MCF2: variants seen among roughly 807,000 people sequenced by gnomAD.
The protein encoded by MCF2 is proto-oncogene DBL.
A neutral mutation model predicts 82.5 loss-of-function variants in MCF2; 44 were observed. That is an observed-to-expected ratio of 0.53 (90% CI 0.42 to 0.69). MCF2 has a LOEUF of 0.69. MCF2 is among the 30% of genes least tolerant of loss of function. The pLI, the probability that MCF2 is intolerant of heterozygous loss-of-function variation, is 0.00. For missense variants in MCF2, 623 were observed against 663.1 expected (o/e 0.94, Z 0.66); for synonymous variants, 217 against 224.9 (o/e 0.96, Z 0.32).
intron 24 of MCF2, among the ~76,000 whole-genome samples, 173 bp from the exon 29 acceptor site, chrX:139,582,676 A>AG (rs1928578417): frequency 8.9e-6 from 1 of 111,965 alleles, no homozygotes; most frequent in Non-Finnish European, 1.9e-5. Flanking sequence ...TTATTGGACA[A>AG]AGAGAGAGAA....
At chrX:139,699,687 C>T (rs1246070913) in intron 1 of MCF2, among the ~76,000 whole-genome samples, 1 of 112,201 alleles carries the variant, frequency 8.9e-6, no homozygotes, top group African/African-American at 3.2e-5. Context: ...TATTTCATTC[C>T]TTTTTAAGGC....
rs758379764 is a variant in MCF2, at chrX:139,582,493, G to A, written c.2756C>T (p.Ser919Leu). 1.9e-5 allele frequency: 23 copies of A among 1,203,996 alleles called. No individual in the cohort carries two copies. In the Middle Eastern group the frequency reaches 1.6e-3, roughly 85 times the overall value. Residue 919 changes from serine to leucine, a missense_variant, in exon 25 of 25, where the codon TCG becomes TTG. By Grantham distance (145) the Ser-to-Leu change is moderately radical. Transcript: ENST00000370576. Reference sequence around the variant, plus strand: ...TCATCAATATAGGAGAGCCATCTCCGACACAGGTCTCTACAAGGGAAGCAG... The same window carrying A: ...TCATCAATATAGGAGAGCCATCTCCAACACAGGTCTCTACAAGGGAAGCAG...
At chrX:139,684,725 C>T (rs1367228161) in intron 1 of MCF2, among the ~76,000 whole-genome samples, 1 of 111,853 alleles carries the variant, frequency 8.9e-6, no homozygotes, top group Non-Finnish European at 1.9e-5. Context: ...CAAGAGATCA[C>T]ATATTGTATG....
Position 139,602,442 on chromosome X carries a change from T to A in MCF2, c.1800A>T (p.Thr600=), listed in dbSNP as rs778988458. ...CGCATTCTGAATACTTCCTCCAAAT[T>A]GTTTCTGATCTGGGCTTATTCTGAC... Residue 600 remains threonine, a synonymous_variant, in exon 16 of 25, where the codon ACA becomes ACT. Transcript: ENST00000370576. 4 of 1,205,873 alleles carry A rather than the reference T, an allele frequency of 3.3e-6. No individual in the cohort carries two copies. In the South Asian group the frequency reaches 7.2e-5, roughly 22 times the overall value.
chrX:139,648,849 A>T (rs1933896063), intron 2 of MCF2, among the ~76,000 whole-genome samples: 1 of 112,326 alleles, frequency 8.9e-6, no homozygotes, highest in Admixed American at 9.4e-5. Context: ...CATCAATGGG[A>T]CATAATCTTA....
At chrX:139,650,072 A>G (rs1294253072) in intron 2 of MCF2, among the ~76,000 whole-genome samples, 3 of 112,366 alleles carry the variant, frequency 2.7e-5, no homozygotes, top group Non-Finnish European at 5.6e-5. Context: ...AGCAGAGGCC[A>G]GGCTGGGTGC....
At chrX:139,622,646 C>G (rs1441464409) in intron 6 of MCF2, among the ~76,000 whole-genome samples, 1 of 109,387 alleles carries the variant, frequency 9.1e-6, no homozygotes, top group African/African-American at 3.3e-5. Context: ...AAACCAAACA[C>G]CGCATGTTCT....
intron 10 of MCF2, 50 bp downstream of exon 13, chrX:139,614,831 A>T: frequency 9.3e-7 from 1 of 1,075,629 alleles, no homozygotes; most frequent in Non-Finnish European, 1.3e-6. Flanking sequence ...AAGAGTAACA[A>T]TATAAACAAT....
At chrX:139,692,471 C>CGT (rs1205280656) in intron 1 of MCF2, among the ~76,000 whole-genome samples, 1 of 111,775 alleles carries the variant, frequency 8.9e-6, no homozygotes, top group Non-Finnish European at 1.9e-5. Flanking sequence ...CCTGGGTGCG[C>CGT]ACACCCACGC....
chrX:139,594,262 C>T (rs1265829724), intron 19 of MCF2, among the ~76,000 whole-genome samples: 15 of 110,236 alleles, frequency 1.4e-4, no homozygotes, highest in African/African-American at 2.3e-4. Context: ...GAGCCCGCAC[C>T]GCCAAGTCAA....
rs1443976487 is a variant in MCF2, at chrX:139,626,240, T to A, written c.640A>T (p.Met214Leu). The change falls in exon 6 of 25, where the codon ATG becomes TTG. Residue 214 changes from methionine to leucine, a missense_variant. Coordinates refer to ENST00000370576, the Ensembl canonical transcript of MCF2. ...TTCCATAGTTGCAGATACTGCTCCA[T>A]TTTTAATTGATGTTTTTCCCAAAAT... 5 of 1,204,193 alleles carry A rather than the reference T, an allele frequency of 4.2e-6. No homozygotes were observed. The Admixed American group carries it at 8.8e-5, about 21-fold the overall frequency.
Position 139,617,614 on chromosome X carries a change from AC to A in MCF2, c.897del (p.Arg299SerfsTer16). The A allele has an allele frequency of 8.3e-7, 1 of 1,205,674 alleles. No homozygotes were observed. The highest frequency in any genetic ancestry group is 3.0e-5 in the East Asian group (1 of 33,678). ...TCAGAAAGGTAACGTAGCTCATTGCACCTCTGGCAGATTAAATCAAGTGCAT... is the reference window on the plus strand; with the variant it reads ...TCAGAAAGGTAACGTAGCTCATTGCACTCTGGCAGATTAAATCAAGTGCAT... On this transcript the variant is annotated frameshift_variant, in exon 8 of 25. Transcript: ENST00000370576. LOFTEE classifies it high-confidence loss of function.
chrX:139,639,229 T>A (rs1426900480), intron 1 of MCF2, among the ~76,000 whole-genome samples: 1 of 112,298 alleles, frequency 8.9e-6, no homozygotes, highest in Non-Finnish European at 1.9e-5. Context: ...TAATTCATTT[T>A]TGAGAACTTG....
chrX:139,587,885 A>ACACACACG, intron 21 of MCF2, 97 bp from the exon 26 acceptor site: 1 of 500,838 alleles, frequency 2.0e-6, no homozygotes, highest in Non-Finnish European at 3.4e-6. Context: ...ACACACACAC[A>ACACACACG]CACACACGCA....
At chrX:139,626,741 C>G (rs1184699155) in exon 5 of MCF2, 1 of 1,208,834 alleles carries the variant, frequency 8.3e-7, no homozygotes, top group Admixed American at 2.2e-5. Context: ...TCTTTGGTTA[C>G]AGCTGTAATA....
At position 139,656,515 on chromosome X, in the gene MCF2, T is replaced by A. The variant is rs756939323; in HGVS notation, c.-44-4727A>T. The stretch of plus-strand genomic sequence containing the variant: ...TCCACACTAAAGAGAAAGGATGAAA[T>A]CACGGTTACAAGAGAAAATATTACT... On this transcript the variant is annotated intron_variant, in intron 1 of 27. Transcript: ENST00000414978. 6.2e-5 allele frequency among the ~76,000 whole-genome samples: 7 copies of A among 112,118 alleles called. No homozygotes were observed. The South Asian group carries it at 2.6e-3, about 42-fold the overall frequency.
intron 1 of MCF2, among the ~76,000 whole-genome samples, chrX:139,688,418 G>A (rs1177909502): frequency 9.0e-6 from 1 of 111,597 alleles, no homozygotes; most frequent in East Asian, 2.8e-4. Flanking sequence ...AGAAAAATCA[G>A]TTACGTGGAA....
At chrX:139,679,064 G>A (rs1005636914) in intron 1 of MCF2, among the ~76,000 whole-genome samples, 5 of 112,523 alleles carry the variant, frequency 4.4e-5, no homozygotes, top group Non-Finnish European at 1.9e-5. Context: ...AAATCAGTTA[G>A]ATGTGGCAAC....
intron 19 of MCF2, among the ~76,000 whole-genome samples, chrX:139,594,114 T>A (rs377553188): frequency 9.1e-6 from 1 of 110,460 alleles, no homozygotes; most frequent in African/African-American, 3.3e-5. Flanking sequence ...TGCTCATGGG[T>A]AGGAAGAATC....
Sources: gnomAD v4.1 joint callset for allele counts (sites outside exome capture counted in the v4.1 genomes callset) on GRCh38, gnomAD v4.1.1 for gene constraint, MANE v1.5 for transcripts, NCBI Gene and HGNC (gene_info 2026-07-23, HGNC 2026-07-21) for gene names.